Variants in MED12L observed in about 807,000 individuals in gnomAD.
MED12L encodes the protein mediator complex subunit 12L, also known as mediator of RNA polymerase II transcription subunit 12-like protein.
A neutral mutation model predicts 281.3 loss-of-function variants in MED12L; 60 were observed. The observed-to-expected ratio is 0.21, with a 90% confidence interval of 0.17 to 0.26. The LOEUF is 0.26. Among genes scored for constraint, MED12L ranks in the 10% least tolerant of loss-of-function variants. The pLI, the probability that MED12L is intolerant of heterozygous loss-of-function variation, is 1.00. For missense variants in MED12L, 2,146 were observed against 2,680.9 expected (o/e 0.80, Z 4.41); for synonymous variants, 974 against 987.2 (o/e 0.99, Z 0.25).
At chr3:151,269,441 A>ACACAC (rs1559962861) in intron 16 of MED12L, 139 of 231,268 alleles carry the variant, frequency 6.0e-4, no homozygotes, top group Middle Eastern at 3.0e-3. Context: ...ACACACACAC[A>ACACAC]AAATTCAGAG....
intron 16 of MED12L, among the ~76,000 whole-genome samples, chr3:151,317,921 T>A (rs1219993201): frequency 6.6e-6 from 1 of 152,142 alleles, no homozygotes; most frequent in Non-Finnish European, 1.5e-5. Context: ...AGGTGAAAAC[T>A]TTTTTGGAGT....
rs1203380816 is a variant in MED12L at position 151,436,144 on chromosome 3, C to T, written c.*3340C>T. 6.6e-6 allele frequency: 1 copy of T among 152,126 alleles called. No individual in the cohort carries two copies. Among genetic ancestry groups the T allele is most frequent in the Non-Finnish European group, 1.5e-5 (1 of 68,088 alleles). 9.4% of individuals were successfully genotyped at this position (152,126 alleles called of 1,614,324 possible). A position where few individuals can be genotyped will look rare whatever the true frequency, so the allele number is the denominator to read the frequency against. The stretch of plus-strand genomic sequence containing the variant: ...AGTTATTAAAACATTTTTGTATTCC[C>T]CATCAATGAAAATTTTCAGTGTGAA... On this transcript the variant is annotated 3_prime_UTR_variant, in exon 45 of 45. Coordinates refer to ENST00000687756, the MANE Select transcript of MED12L (RefSeq NM_001393769.1).
chr3:151,149,995 A>G (rs1718241484), intron 5 of MED12L, among the ~76,000 whole-genome samples: 1 of 152,072 alleles, frequency 6.6e-6, no homozygotes, highest in South Asian at 2.1e-4. Flanking sequence ...AACCTCTCAA[A>G]CTCGTCCATA....
chr3:151,141,626 A>G (rs1432959528), intron 5 of MED12L, among the ~76,000 whole-genome samples: 2 of 152,218 alleles, frequency 1.3e-5, no homozygotes, highest in South Asian at 4.1e-4. Context: ...AATATGAGCT[A>G]TGCCTTAAAG....
chr3:151,256,587 A>C (rs1737852387), intron 16 of MED12L, among the ~76,000 whole-genome samples: 1 of 148,742 alleles, frequency 6.7e-6, no homozygotes, highest in Non-Finnish European at 1.5e-5. Flanking sequence ...TGTGGTCCTA[A>C]AGTACCTCTC....
rs1429559007 is a variant in MED12L at position 151,435,609 on chromosome 3, A to AAAT, written c.*2806_*2807insATA. 1 of 111,366 alleles carries AAAT rather than the reference A, an allele frequency of 9.0e-6. No individual in the cohort carries two copies. Among genetic ancestry groups the AAAT allele is most frequent in the African/African-American group, 3.2e-5 (1 of 31,210 alleles). The allele number at this position is 111,366 out of a possible 1,614,324, so 6.9% of individuals were successfully genotyped here. On this transcript the variant is annotated 3_prime_UTR_variant, in exon 45 of 45. Coordinates refer to ENST00000687756, the MANE Select transcript of MED12L (RefSeq NM_001393769.1). ...CTATGGCATTTTTTTCCCATTTATA[A>AAAT]AGCTCCTATAATTCTTAAGTAAGTA...
chr3:151,109,194 C>T (rs1560054727), intron 2 of MED12L, among the ~76,000 whole-genome samples: 2 of 152,098 alleles, frequency 1.3e-5, no homozygotes, highest in Middle Eastern at 3.4e-3. Flanking sequence ...TGGGACTACA[C>T]GCAGCCACCA....
chr3:151,216,886 A>G (rs1423842818), intron 16 of MED12L, among the ~76,000 whole-genome samples: 1 of 152,056 alleles, frequency 6.6e-6, no homozygotes, highest in Non-Finnish European at 1.5e-5. Flanking sequence ...AGTTAGATGC[A>G]TTTTGGTTTA....
chr3:151,372,415 T>A (rs1756302708), intron 26 of MED12L, 152 bp from the exon 27 acceptor site: 6 of 618,230 alleles, frequency 9.7e-6, no homozygotes, highest in Non-Finnish European at 1.7e-5. Flanking sequence ...TTTATGCTCT[T>A]GATCCATTCT....
At chr3:151,227,796 A>G (rs1214135992) in intron 16 of MED12L, among the ~76,000 whole-genome samples, 1 of 152,156 alleles carries the variant, frequency 6.6e-6, no homozygotes, top group Admixed American at 6.5e-5. Flanking sequence ...GGAATAGTCC[A>G]GGGTTTCTCA....
At chr3:151,096,967 C>G (rs574905274) in intron 2 of MED12L, among the ~76,000 whole-genome samples, 8 of 152,252 alleles carry the variant, frequency 5.3e-5, no homozygotes, top group Non-Finnish European at 7.3e-5. Flanking sequence ...CCTCTCAGAG[C>G]TTGCCAGATC....
chr3:151,330,123 T>C (rs547442940), intron 16 of MED12L, among the ~76,000 whole-genome samples: 22 of 152,312 alleles, frequency 1.4e-4, no homozygotes, highest in South Asian at 8.3e-4. Flanking sequence ...CAGCTCTGTG[T>C]CTCAATTTCC....
chr3:151,371,061 C>G (rs909470743), intron 26 of MED12L, among the ~76,000 whole-genome samples: 9 of 152,240 alleles, frequency 5.9e-5, no homozygotes, highest in African/African-American at 1.9e-4. Flanking sequence ...CACAGACTCT[C>G]ATACCTTCTC....
rs1203197867 is a variant in MED12L, at chr3:151,247,947, TTTC to T, written c.2250+54296_2250+54298del. Among the ~76,000 whole-genome samples, 812 of 131,386 alleles carry T rather than the reference TTTC, an allele frequency of 6.2e-3. 17 individuals carry two copies. Among genetic ancestry groups the T allele is most frequent in the African/African-American group, 0.016 (573 of 35,794 alleles). The allele number at this position is 131,386 out of a possible 152,430, so 86.2% of individuals were successfully genotyped here. On this transcript the variant is annotated intron_variant, in intron 16 of 44. Transcript: ENST00000687756. Reference sequence around the variant, plus strand: ...AAAAGATTTTCTTTTGTTTACTTTCTTTCTTCTTCTTCTTCTTTTTTTTTTTTT... The same window carrying T: ...AAAAGATTTTCTTTTGTTTACTTTCTTTCTTCTTCTTCTTTTTTTTTTTTT...
intron 39 of MED12L, among the ~76,000 whole-genome samples, chr3:151,408,439 AT>A (rs1297620064): frequency 6.6e-6 from 1 of 152,222 alleles, no homozygotes; most frequent in Non-Finnish European, 1.5e-5. Flanking sequence ...TAGTAAAATA[AT>A]CCTACAATAA....
rs140109740 is a variant in MED12L at position 151,355,906 on chromosome 3, A to G, written c.2528A>G (p.Asn843Ser). 111 of 1,609,978 alleles carry G rather than the reference A, an allele frequency of 6.9e-5. No individual in the cohort carries two copies. The highest frequency in any genetic ancestry group is 2.5e-4 in the Admixed American group (15 of 58,848). Residue 843 changes from asparagine to serine, a missense_variant, in exon 19 of 45, where the codon AAT becomes AGT. By Grantham distance (46) the Asn-to-Ser change is conservative. Transcript: ENST00000687756. ...QHQVTSQISN[N>S]VLEQITSFAS... is the part of the protein sequence containing the mutation. ...TTTTTATTTGCACAGATTTCTAACA[A>G]TGTGCTAGAACAAATCACAAGCTTT... is the stretch of plus-strand genomic sequence containing the variant.
intron 6 of MED12L, among the ~76,000 whole-genome samples, chr3:151,157,587 T>C (rs968107259): frequency 6.6e-6 from 1 of 152,190 alleles, no homozygotes; most frequent in Non-Finnish European, 1.5e-5. Context: ...TATTTAGAAC[T>C]CACTTTATTG....
chr3:151,310,982 C>T (rs1002173034), intron 16 of MED12L, among the ~76,000 whole-genome samples: 2 of 152,150 alleles, frequency 1.3e-5, no homozygotes, highest in African/African-American at 4.8e-5. Flanking sequence ...GGCTGTGAGA[C>T]AGTTATTTTG....
intron 31 of MED12L, among the ~76,000 whole-genome samples, chr3:151,379,837 T>G (rs1050496672): frequency 5.9e-5 from 9 of 152,250 alleles, no homozygotes; most frequent in African/African-American, 2.2e-4. Flanking sequence ...GAATTCACTG[T>G]CTTCTACCCT....
Sources: allele counts gnomAD v4.1 joint callset (sites outside exome capture counted in the v4.1 genomes callset), GRCh38; gene constraint gnomAD v4.1.1; transcripts MANE v1.5; gene names NCBI Gene and HGNC (gene_info 2026-07-23, HGNC 2026-07-21).